The following MGAT5B variants were observed in gnomAD, a reference collection of about 807,000 sequenced individuals.
MGAT5B encodes alpha-1,6-mannosylglycoprotein 6-beta-N-acetylglucosaminyltransferase B.
In MGAT5B, 54 loss-of-function variants were observed where a neutral mutation model predicts 95.1. That is an observed-to-expected ratio of 0.57 (90% confidence interval 0.46 to 0.71). The LOEUF is 0.71. Among genes scored for constraint, MGAT5B ranks in the 30% least tolerant of loss-of-function variants. The probability of loss-of-function intolerance (pLI) is 0.00; values close to 1 mark genes in which losing one functional copy is unlikely to be tolerated. For missense variants in MGAT5B, 935 were observed against 1,088.6 expected (o/e 0.86, Z 1.99); for synonymous variants, 464 against 451.0 (o/e 1.03, Z -0.36).
intron 3 of MGAT5B, among the ~76,000 whole-genome samples, chr17:76,891,677 G>A (rs2145158261): frequency 6.6e-6 from 1 of 152,352 alleles, no homozygotes; most frequent in Admixed American, 6.5e-5. Flanking sequence ...ACTGCGCCCG[G>A]CCCTGGGGGT....
chr17:76,946,055 G>T (rs975601851), intron 15 of MGAT5B, among the ~76,000 whole-genome samples: 1 of 152,052 alleles, frequency 6.6e-6, no homozygotes, highest in East Asian at 1.9e-4. Context: ...TGTGGGAAGA[G>T]GAGGTGTCAA....
intron 8 of MGAT5B, among the ~76,000 whole-genome samples, chr17:76,919,763 A>G (rs540463209): frequency 1.3e-5 from 2 of 152,350 alleles, no homozygotes; most frequent in Admixed American, 6.5e-5. Context: ...AGATGCACAT[A>G]ACATAAAATG....
At chr17:76,925,382 G>A (rs1329557233) in intron 9 of MGAT5B, among the ~76,000 whole-genome samples, 1 of 148,574 alleles carries the variant, frequency 6.7e-6, no homozygotes, top group Non-Finnish European at 1.5e-5. Flanking sequence ...ATGGAGCGGA[G>A]CTGAGGAATT....
At position 76,903,890 on chromosome 17, in the gene MGAT5B, G is replaced by C. The variant is rs1048457087; in HGVS notation, c.520-362G>C. ...GGCTCCAGCCCTGGCCGCCTTGGAG[G>C]CTGCTCCCTGACCTTGGCCTCTAGC... On this transcript the variant is annotated intron_variant, in intron 5 of 17. Transcript: ENST00000569840. Among the ~76,000 whole-genome samples the C allele has an allele frequency of 7.2e-5, 11 of 152,350 alleles. No homozygotes were observed. The Middle Eastern group carries it at 0.01, about 141-fold the overall frequency.
Position 76,916,937 on chromosome 17 carries a change from CTG to C in MGAT5B, c.1026-8028_1026-8027del, listed in dbSNP as rs1032805797. Among the ~76,000 whole-genome samples the C allele has an allele frequency of 6.6e-6, 1 of 152,120 alleles. No homozygotes were observed. The highest frequency in any genetic ancestry group is 1.5e-5 in the Non-Finnish European group (1 of 68,024). ...CTCAGGGGTTCCCGCCTCTTAGAAA[CTG>C]GGGCCAGGGCTGGTCTGGGGCTTTT... On this transcript the variant is annotated intron_variant, in intron 8 of 17. Transcript: ENST00000569840. The surrounding 1 kb of genome is among the most constrained non-coding windows in gnomAD (Gnocchi z 5.3).
intron 2 of MGAT5B, 140 bp from the exon 3 acceptor site, chr17:76,882,011 T>G: frequency 9.8e-6 from 8 of 814,368 alleles, no homozygotes; most frequent in South Asian, 2.0e-5. Context: ...CCTGGGAAGA[T>G]GGAGCTGAGG....
Position 76,868,677 on chromosome 17 carries a change from G to A in MGAT5B, c.-353G>A, listed in dbSNP as rs1324195188. The A allele has an allele frequency of 6.7e-6, 1 of 150,276 alleles. No homozygotes were observed. Among genetic ancestry groups the A allele is most frequent in the African/African-American group, 2.4e-5 (1 of 41,154 alleles). The allele number at this position is 150,276 out of a possible 1,614,324, so 9.3% of individuals were successfully genotyped here. A position where few individuals can be genotyped will look rare whatever the true frequency, so the allele number is the denominator to read the frequency against. On this transcript the variant is annotated 5_prime_UTR_variant, in exon 1 of 18. Transcript: ENST00000569840. The surrounding 1 kb of genome is among the most constrained non-coding windows in gnomAD (Gnocchi z 6.3). ...CGGGGATGAGGGCGCCCGCCGCGGGGAGCCCGTCTGCGCGCCGCGGCACCT... is the reference window on the plus strand; with the variant it reads ...CGGGGATGAGGGCGCCCGCCGCGGGAAGCCCGTCTGCGCGCCGCGGCACCT...
In MGAT5B at chr17:76,912,592, G is replaced by C. The variant is rs947516765; in HGVS notation, c.1025+6405G>C. On this transcript the variant is annotated intron_variant, in intron 8 of 17. Transcript: ENST00000569840. This position sits in a 1 kb window ranked among gnomAD's most constrained non-coding sequence, Gnocchi z 5.0. ...TCCTGGCCACTGATGGAGCAACAAG[G>C]CTGGACGGATGAGCCGGTCCCGCTC... Among the ~76,000 whole-genome samples, 10 of 152,086 alleles carry C rather than the reference G, an allele frequency of 6.6e-5. No homozygotes were observed. The highest frequency in any genetic ancestry group is 1.5e-4 in the Non-Finnish European group (10 of 68,016).
At chr17:76,935,847 ATATACTAT>A (rs1294014980) in intron 12 of MGAT5B, among the ~76,000 whole-genome samples, 1 of 81,760 alleles carries the variant, frequency 1.2e-5, no homozygotes, top group Non-Finnish European at 2.6e-5. Context: ...TATACATTAT[ATATACTAT>A]ATATATTATA....
At position 76,905,127 on chromosome 17, in the gene MGAT5B, C is replaced by T. The variant is rs762558299; in HGVS notation, c.691-42C>T. 2.0e-5 allele frequency: 32 copies of T among 1,564,478 alleles called. No individual in the cohort carries two copies. The highest frequency in any genetic ancestry group is 4.7e-5 in the South Asian group (4 of 84,760). On this transcript the variant is annotated intron_variant, in intron 6 of 17. Transcript: ENST00000569840. The surrounding 1 kb of genome is among the most constrained non-coding windows in gnomAD (Gnocchi z 4.2). ...CAGGCCAGCGGGGAATGATGGTGGC[C>T]GCAGGTTGAGGGGCAGAGAGCTGAG...
intron 8 of MGAT5B, among the ~76,000 whole-genome samples, chr17:76,919,540 C>T (rs1969057933): frequency 1.3e-5 from 2 of 152,212 alleles, no homozygotes; most frequent in Non-Finnish European, 1.5e-5. Context: ...AACGATTCTC[C>T]CACCTCAGCC....
rs1030611053 is a variant in MGAT5B, at chr17:76,876,892, G to A, written c.181+3929G>A. 3.3e-5 allele frequency among the ~76,000 whole-genome samples: 5 copies of A among 152,328 alleles called. 1 individual carries two copies. The highest frequency in any genetic ancestry group is 1.2e-4 in the African/African-American group (5 of 41,592). On this transcript the variant is annotated intron_variant, in intron 2 of 17. Transcript: ENST00000569840. ...GGCTTTCCGGCATTGCCCCCTCCCA[G>A]GCAGCTCTGCCCCACTTCCCACCCC...
Position 76,882,508 on chromosome 17 carries a change from G to A in MGAT5B, c.329+210G>A, listed in dbSNP as rs75923604. On this transcript the variant is annotated intron_variant, in intron 3 of 17. Transcript: ENST00000569840. ...GCCTGTTTTCCTCTTTAAATAAAACGTCACAGATGAAAACTAAAAGGCCTT... is the reference window on the plus strand; with the variant it reads ...GCCTGTTTTCCTCTTTAAATAAAACATCACAGATGAAAACTAAAAGGCCTT... 4.8e-4 allele frequency: 262 copies of A among 548,336 alleles called. 2 individuals are homozygous for A. In the East Asian group the frequency reaches 8.3e-3, roughly 17 times the overall value. 34.0% of individuals were successfully genotyped at this position (548,336 alleles called of 1,614,324 possible).
At chr17:76,939,029 G>GGGGT (rs1237086611) in intron 13 of MGAT5B, among the ~76,000 whole-genome samples, 5,914 of 128,236 alleles carry the variant, frequency 0.046, 173 homozygotes, top group Non-Finnish European at 0.065. Context: ...GCATCTTGGG[G>GGGGT]GTGTGTGTGT....
At chr17:76,913,565 T>C (rs959913393) in intron 8 of MGAT5B, 2 of 388,140 alleles carry the variant, frequency 5.2e-6, no homozygotes, top group Non-Finnish European at 1.0e-5. Context: ...GTCTTGGCCG[T>C]TGACAGTGGT....
intron 8 of MGAT5B, chr17:76,913,618 G>A: frequency 2.1e-6 from 1 of 469,748 alleles, no homozygotes; most frequent in South Asian, 1.5e-5. Flanking sequence ...GGGAAAACAG[G>A]CTTGAGGGGC....
At chr17:76,929,304 C>T (rs1969412253) in intron 10 of MGAT5B, among the ~76,000 whole-genome samples, 1 of 152,138 alleles carries the variant, frequency 6.6e-6, no homozygotes. Context: ...GGACTTGTCC[C>T]AGGGTGGAGC....
At chr17:76,886,842 G>T (rs1445056982) in intron 3 of MGAT5B, among the ~76,000 whole-genome samples, 1 of 152,118 alleles carries the variant, frequency 6.6e-6, no homozygotes, top group Non-Finnish European at 1.5e-5. Context: ...TCAGGAGTTC[G>T]AGACCAGCCT....
intron 1 of MGAT5B, among the ~76,000 whole-genome samples, chr17:76,871,395 C>T (rs1029230784): frequency 6.6e-6 from 1 of 152,198 alleles, no homozygotes; most frequent in African/African-American, 2.4e-5. Flanking sequence ...ATCATGTCTC[C>T]TGTCCTTCCT....
Sources: allele counts gnomAD v4.1 joint callset (sites outside exome capture counted in the v4.1 genomes callset), GRCh38; gene constraint gnomAD v4.1.1; non-coding constraint Gnocchi (gnomAD v3.1); transcripts MANE v1.5; gene names NCBI Gene and HGNC (gene_info 2026-07-23, HGNC 2026-07-21).